The following NRXN3 variants were observed in gnomAD, a reference collection of about 807,000 sequenced individuals.
NRXN3 encodes the protein neurexin III.
In NRXN3, 32 loss-of-function variants were observed where a neutral mutation model predicts 137.6. The observed-to-expected ratio is 0.23, with a 90% CI of 0.18 to 0.31. NRXN3 has a LOEUF of 0.31. Among genes scored for constraint, NRXN3 ranks in the 10% least tolerant of loss-of-function variants. NRXN3 has a pLI of 1.00. For missense variants in NRXN3, 1,574 were observed against 2,062.5 expected, an observed-to-expected ratio of 0.76 and a Z score of 4.59; for synonymous variants, 798 against 784.5, an observed-to-expected ratio of 1.02 and a Z score of -0.29.
intron 4 of NRXN3, among the ~76,000 whole-genome samples, chr14:78,339,959 A>G (rs2081970094): frequency 6.6e-6 from 1 of 152,174 alleles, no homozygotes; most frequent in Non-Finnish European, 1.5e-5. Flanking sequence ...TTAATCCAGA[A>G]TCTTCGGTAA....
chr14:78,992,164 G>T (rs2099520298), intron 15 of NRXN3, among the ~76,000 whole-genome samples: 1 of 152,194 alleles, frequency 6.6e-6, no homozygotes, highest in African/African-American at 2.4e-5. Context: ...GTCATGGGGA[G>T]TTTCTTTTGG....
chr14:79,187,992 T>C (rs1475032901), intron 15 of NRXN3, among the ~76,000 whole-genome samples: 1 of 152,000 alleles, frequency 6.6e-6, no homozygotes, highest in Non-Finnish European at 1.5e-5. Context: ...TGGTGTAACA[T>C]TGGTAGGTTT....
At chr14:78,873,164 G>A (rs570846182) in intron 10 of NRXN3, among the ~76,000 whole-genome samples, 248 of 152,202 alleles carry the variant, frequency 1.6e-3, no homozygotes, top group Non-Finnish European at 2.9e-3. Context: ...TTCTTTCTCT[G>A]TAAAAACTTA....
intron 15 of NRXN3, among the ~76,000 whole-genome samples, chr14:79,252,386 T>C (rs189058514): frequency 3.9e-5 from 6 of 152,348 alleles, no homozygotes; most frequent in African/African-American, 1.4e-4. Flanking sequence ...TCCTTTTTAA[T>C]TGCCAGGGAT....
chr14:79,289,306 G>C (rs1464044818), intron 15 of NRXN3, among the ~76,000 whole-genome samples: 1 of 152,098 alleles, frequency 6.6e-6, no homozygotes, highest in African/African-American at 2.4e-5. Flanking sequence ...GCCAGTGTTG[G>C]ACTTGCCAGG....
chr14:79,193,603 G>T (rs907060527), intron 15 of NRXN3, among the ~76,000 whole-genome samples: 11 of 152,038 alleles, frequency 7.2e-5, no homozygotes, highest in African/African-American at 2.4e-4. Context: ...CATTGAGAAG[G>T]CCCCTCTCAA....
chr14:78,871,221 A>G (rs2099100555), intron 10 of NRXN3, among the ~76,000 whole-genome samples: 1 of 151,358 alleles, frequency 6.6e-6, no homozygotes, highest in Non-Finnish European at 1.5e-5. Flanking sequence ...ATCAGCATTC[A>G]TTATTGCCTG....
intron 15 of NRXN3, among the ~76,000 whole-genome samples, chr14:79,247,798 G>A (rs2075391544): frequency 1.3e-5 from 2 of 151,520 alleles, no homozygotes; most frequent in Non-Finnish European, 2.9e-5. Context: ...TTGGGCTAAT[G>A]TCCTTAACCT....
rs531636806 is a variant in NRXN3, at chr14:78,810,510, A to G, written c.2275+166A>G. 1.3e-4 allele frequency among the ~76,000 whole-genome samples: 20 copies of G among 151,222 alleles called. No homozygotes were observed. The South Asian group carries it at 4.2e-3, about 32-fold the overall frequency. On this transcript the variant is annotated intron_variant, in intron 10 of 20. Transcript: ENST00000335750. ...GAAGATGGGGGGCTGGGTGAGGGTG[A>G]AGGGCTGAGTGTGGTTTTGGGTGTG...
At chr14:78,724,810 T>C (rs1423316261) in intron 8 of NRXN3, among the ~76,000 whole-genome samples, 1 of 152,170 alleles carries the variant, frequency 6.6e-6, no homozygotes, top group Non-Finnish European at 1.5e-5. Context: ...ATTTCTCTTC[T>C]CTTTCTGTTT....
intron 10 of NRXN3, among the ~76,000 whole-genome samples, chr14:78,914,202 G>T (rs1800717322): frequency 6.6e-6 from 1 of 152,188 alleles, no homozygotes; most frequent in Admixed American, 6.5e-5. Context: ...ATTGGTGAGG[G>T]AAATTAGAAG....
intron 15 of NRXN3, among the ~76,000 whole-genome samples, chr14:79,283,497 T>C (rs989122447): frequency 1.3e-5 from 2 of 152,184 alleles, no homozygotes; most frequent in Non-Finnish European, 2.9e-5. Flanking sequence ...CCTACACTTT[T>C]GCCTGTGCTT....
At chr14:78,464,678 A>T (rs2095043807) in intron 4 of NRXN3, among the ~76,000 whole-genome samples, 1 of 152,248 alleles carries the variant, frequency 6.6e-6, no homozygotes, top group South Asian at 2.1e-4. Context: ...AAACAGCATG[A>T]AGAGTAAAAT....
chr14:78,664,573 T>C (rs2097865964), intron 6 of NRXN3, among the ~76,000 whole-genome samples: 2 of 152,208 alleles, frequency 1.3e-5, no homozygotes, highest in African/African-American at 4.8e-5. Context: ...ACCCTCTACA[T>C]TTGCATGTCA....
rs142128895 is a variant in NRXN3 at position 79,609,364 on chromosome 14, T to C, written c.3445-54414T>C. 3.5e-3 allele frequency among the ~76,000 whole-genome samples: 534 copies of C among 152,262 alleles called. 1 individual carries two copies. Among genetic ancestry groups the C allele is most frequent in the African/African-American group, 0.012 (519 of 41,552 alleles). ...GAAAACCCGGATACAGGGCATGAGA[T>C]TAGAACCCTAGAATGGCATATCAAA... On this transcript the variant is annotated intron_variant, in intron 16 of 20. Coordinates refer to ENST00000335750, the MANE Select transcript of NRXN3 (RefSeq NM_001330195.2).
chr14:78,295,812 T>A (rs1596979875), intron 3 of NRXN3, among the ~76,000 whole-genome samples: 1 of 152,230 alleles, frequency 6.6e-6, no homozygotes, highest in African/African-American at 2.4e-5. Context: ...TGATAGAGGT[T>A]TTTACGAGGC....
intron 4 of NRXN3, among the ~76,000 whole-genome samples, chr14:78,438,494 C>G (rs549989237): frequency 2.3e-4 from 35 of 152,260 alleles, no homozygotes; most frequent in African/African-American, 7.9e-4. Flanking sequence ...TATAAGAGAA[C>G]AGGTGTTAAG....
intron 8 of NRXN3, among the ~76,000 whole-genome samples, chr14:78,716,185 A>G (rs369329762): frequency 7.9e-5 from 12 of 152,322 alleles, no homozygotes; most frequent in African/African-American, 2.6e-4. Flanking sequence ...TTACAGTTTA[A>G]GTAAAGGGCA....
intron 4 of NRXN3, among the ~76,000 whole-genome samples, chr14:78,586,700 C>G (rs536781044): frequency 1.3e-5 from 2 of 152,284 alleles, no homozygotes; most frequent in East Asian, 3.9e-4. Context: ...CCATGTCCCC[C>G]GACCCTGACC....
Sources: allele counts gnomAD v4.1 joint callset (sites outside exome capture counted in the v4.1 genomes callset), GRCh38; gene constraint gnomAD v4.1.1; transcripts MANE v1.5; gene names NCBI Gene and HGNC (gene_info 2026-07-23, HGNC 2026-07-21).